The following FHIT variants were observed in gnomAD, a reference collection of about 807,000 sequenced individuals.
FHIT encodes the protein fragile histidine triad diadenosine triphosphatase.
A neutral mutation model predicts 17.9 loss-of-function variants in FHIT; 19 were observed. The observed-to-expected ratio is 1.06, with a 90% CI of 0.74 to 1.56. The LOEUF (loss-of-function observed/expected upper bound fraction) is 1.56, where lower values mean the gene tolerates loss of function less well. Among genes scored for constraint, FHIT ranks in the 40% most tolerant of loss-of-function variants. The pLI is 0.00. For missense variants in FHIT, 248 were observed against 189.2 expected (o/e 1.31, Z -1.82); for synonymous variants, 81 against 69.7 (o/e 1.16, Z -0.81).
intron 8 of FHIT, among the ~76,000 whole-genome samples, chr3:59,809,360 AAAGG>A (rs1700325586): frequency 6.6e-6 from 1 of 152,226 alleles, no homozygotes; most frequent in South Asian, 2.1e-4. Flanking sequence ...AAGATTGCGG[AAAGG>A]AAGGATTCTT....
intron 4 of FHIT, among the ~76,000 whole-genome samples, chr3:60,626,785 C>CT (rs60098225): frequency 0.012 from 1,637 of 133,958 alleles, 41 homozygotes; most frequent in African/African-American, 0.039. Context: ...GGAAAACACT[C>CT]TTTTTTTTTT....
chr3:59,789,926 T>G (rs74967059), intron 8 of FHIT, among the ~76,000 whole-genome samples: 4,195 of 152,270 alleles, frequency 0.028, 102 homozygotes, highest in Middle Eastern at 0.082. Flanking sequence ...CACATAAAAG[T>G]GACTCTGCAC....
intron 5 of FHIT, among the ~76,000 whole-genome samples, chr3:60,325,092 AAC>A (rs1309063379): frequency 7.4e-6 from 1 of 135,346 alleles, no homozygotes; most frequent in East Asian, 2.0e-4. Flanking sequence ...ACAGCAAAAA[AAC>A]AGAGTGAAAG....
At chr3:59,852,006 T>C (rs1297023381) in intron 8 of FHIT, among the ~76,000 whole-genome samples, 1 of 152,216 alleles carries the variant, frequency 6.6e-6, no homozygotes, top group African/African-American at 2.4e-5. Context: ...AGAGATAAGA[T>C]TCACCCAGTC....
At chr3:60,009,343 C>G (rs1700053976) in intron 7 of FHIT, among the ~76,000 whole-genome samples, 1 of 152,038 alleles carries the variant, frequency 6.6e-6, no homozygotes, top group African/African-American at 2.4e-5. Context: ...ATGTGCAAAA[C>G]AGCATAACCT....
At chr3:59,942,837 C>T (rs1288005790) in intron 7 of FHIT, among the ~76,000 whole-genome samples, 1 of 151,856 alleles carries the variant, frequency 6.6e-6, no homozygotes, top group East Asian at 1.9e-4. Flanking sequence ...TTTGTACAGA[C>T]AGAGTCTCAC....
intron 5 of FHIT, among the ~76,000 whole-genome samples, chr3:60,492,299 G>A (rs2034099681): frequency 6.6e-6 from 1 of 152,156 alleles, no homozygotes; most frequent in African/African-American, 2.4e-5. Context: ...ATGTCTTTCT[G>A]TGGTCACAAA....
At chr3:60,132,417 G>C (rs1356567556) in intron 5 of FHIT, among the ~76,000 whole-genome samples, 1 of 152,066 alleles carries the variant, frequency 6.6e-6, no homozygotes, top group East Asian at 1.9e-4. Context: ...TTTGCCTTAA[G>C]AGAAAGAAAA....
intron 5 of FHIT, among the ~76,000 whole-genome samples, chr3:60,195,986 A>T (rs895378140): frequency 6.6e-6 from 1 of 152,158 alleles, no homozygotes; most frequent in African/African-American, 2.4e-5. Context: ...TATACAATTC[A>T]TCACATAACC....
intron 5 of FHIT, among the ~76,000 whole-genome samples, chr3:60,509,150 C>T (rs768235720): frequency 6.6e-6 from 1 of 152,148 alleles, no homozygotes; most frequent in Admixed American, 6.5e-5. Flanking sequence ...ACAGGCCAAA[C>T]AGATGGCGTG....
At chr3:60,591,937 AG>A (rs2038099099) in intron 4 of FHIT, among the ~76,000 whole-genome samples, 1 of 151,980 alleles carries the variant, frequency 6.6e-6, no homozygotes, top group Non-Finnish European at 1.5e-5. Context: ...ATGAATTAAC[AG>A]GGATTAATTT....
At chr3:60,350,795 G>C (rs1260961385) in intron 5 of FHIT, among the ~76,000 whole-genome samples, 1 of 152,164 alleles carries the variant, frequency 6.6e-6, no homozygotes, top group Middle Eastern at 3.2e-3. Flanking sequence ...TCTCTTGAGT[G>C]TGAACAGTGT....
intron 5 of FHIT, among the ~76,000 whole-genome samples, chr3:60,217,784 C>T (rs1399715070): frequency 1.3e-5 from 2 of 152,176 alleles, no homozygotes; most frequent in Non-Finnish European, 2.9e-5. Flanking sequence ...CTTTGCCTGG[C>T]TCCCTCCTGC....
At chr3:60,364,847 T>C (rs1700044626) in intron 5 of FHIT, among the ~76,000 whole-genome samples, 1 of 152,134 alleles carries the variant, frequency 6.6e-6, no homozygotes, top group African/African-American at 2.4e-5. Context: ...TCACTCTCTC[T>C]GCTTGAGCTG....
intron 3 of FHIT, among the ~76,000 whole-genome samples, chr3:60,890,335 G>T (rs7644380): frequency 0.28 from 41,834 of 151,528 alleles, 6,997 homozygotes; most frequent in African/African-American, 0.46. Flanking sequence ...GAGTGAATCC[G>T]TTGATCTTCC....
chr3:61,024,893 T>G (rs2107654440), intron 3 of FHIT, among the ~76,000 whole-genome samples: 1 of 152,322 alleles, frequency 6.6e-6, no homozygotes, highest in African/African-American at 2.4e-5. Context: ...AGCTTTTTTT[T>G]TTCTGAGCAC....
chr3:60,515,575 T>TA (rs2035121552), intron 5 of FHIT, among the ~76,000 whole-genome samples: 1 of 106,066 alleles, frequency 9.4e-6, no homozygotes, highest in Non-Finnish European at 2.0e-5. Context: ...GGGCTTTAAT[T>TA]TAAAAAAAAA....
chr3:60,387,183 G>T (rs1701047516), intron 5 of FHIT, among the ~76,000 whole-genome samples: 1 of 151,826 alleles, frequency 6.6e-6, no homozygotes, highest in African/African-American at 2.4e-5. Flanking sequence ...TAGAGACAGG[G>T]TTTCACAATG....
intron 5 of FHIT, among the ~76,000 whole-genome samples, chr3:60,138,175 ATTC>A (rs2107289999): frequency 6.6e-6 from 1 of 152,312 alleles, no homozygotes; most frequent in East Asian, 1.9e-4. Flanking sequence ...TGGAAGTTCT[ATTC>A]TTAACATGAC....
Sources: gnomAD v4.1 joint callset for allele counts (sites outside exome capture counted in the v4.1 genomes callset) on GRCh38, gnomAD v4.1.1 for gene constraint, MANE v1.5 for transcripts, NCBI Gene and HGNC (gene_info 2026-07-23, HGNC 2026-07-21) for gene names.